POMT1: variants seen among roughly 807,000 people sequenced by gnomAD.
POMT1 encodes the protein protein O-mannosyltransferase 1.
POMT1 carries 85 observed loss-of-function variants against 101.6 expected under a neutral mutation model. The ratio of observed to expected loss-of-function variants is 0.84; its 90% CI spans 0.70 to 1.00. POMT1 has a LOEUF of 1.00. Among genes scored for constraint, POMT1 ranks in the 50% least tolerant of loss-of-function variants. The probability of loss-of-function intolerance (pLI) is 0.00; values close to 1 mark genes in which losing one functional copy is unlikely to be tolerated. For missense variants in POMT1, 857 were observed against 930.4 expected, an observed-to-expected ratio of 0.92 and a Z score of 1.03; for synonymous variants, 371 against 383.0, an observed-to-expected ratio of 0.97 and a Z score of 0.37.
chr9:131,522,769 G>A lies in POMT1; in HGVS notation c.2004-163G>A, dbSNP rs1190847107. ...CAGGGGGCCCCTCTCAGTGCATCCA[G>A]GTGGGAGATGGTCATGGGTGGCAGG... is the stretch of plus-strand genomic sequence containing the variant. On this transcript the variant is annotated intron_variant, in intron 19 of 19. Transcript: ENST00000402686. The surrounding 1 kb of genome is among the most constrained non-coding windows in gnomAD (Gnocchi z 5.5). 6.6e-6 allele frequency among the ~76,000 whole-genome samples: 1 copy of A among 152,158 alleles called. No individual in the cohort carries two copies. Among genetic ancestry groups the A allele is most frequent in the Non-Finnish European group, 1.5e-5 (1 of 68,022 alleles).
At chr9:131,504,470 G>C in intron 2 of POMT1, 130 bp downstream of exon 2, 4 of 1,384,376 alleles carry the variant, frequency 2.9e-6, no homozygotes, top group East Asian at 2.4e-5. Flanking sequence ...TTGGCAGTGA[G>C]AGGAGAGACC....
At chr9:131,515,117 C>T (rs1043710793) in intron 12 of POMT1, among the ~76,000 whole-genome samples, 4 of 152,216 alleles carry the variant, frequency 2.6e-5, no homozygotes, top group Non-Finnish European at 4.4e-5. Flanking sequence ...AGTACCGGAT[C>T]GGGCCTGGGC....
Position 131,523,200 on chromosome 9 carries a change from T to C in POMT1, c.*94T>C. 2.7e-6 allele frequency: 4 copies of C among 1,487,270 alleles called. No homozygotes were observed. In the South Asian group the frequency reaches 4.7e-5, roughly 18 times the overall value. 92.1% of individuals were successfully genotyped at this position (1,487,270 alleles called of 1,614,324 possible). On this transcript the variant is annotated 3_prime_UTR_variant, in exon 20 of 20. Coordinates refer to ENST00000402686, the MANE Select transcript of POMT1 (RefSeq NM_001077365.2). ...GTAATGAGCAGGGTGGGCCCCACGC[T>C]GGGAGGACACGGGCTGGGCTGAGCA... is the stretch of plus-strand genomic sequence containing the variant.
At position 131,519,128 on chromosome 9, in the gene POMT1, A is replaced by G. The variant is rs1173289564; in HGVS notation, c.1486+171A>G. 6.6e-6 allele frequency among the ~76,000 whole-genome samples: 1 copy of G among 152,044 alleles called. No homozygotes were observed. Among genetic ancestry groups the G allele is most frequent in the Non-Finnish European group, 1.5e-5 (1 of 68,012 alleles). ...CCTGCACTCAGCTGCTGCAGTAATA[A>G]CTCAAGACGCTTCTTCCGAGGTGTC... On this transcript the variant is annotated intron_variant, in intron 15 of 19. Transcript: ENST00000402686. The surrounding 1 kb of genome is among the most constrained non-coding windows in gnomAD (Gnocchi z 4.3).
intron 9 of POMT1, chr9:131,510,898 C>T (rs1342355340): frequency 3.2e-6 from 1 of 310,502 alleles, no homozygotes. Flanking sequence ...TTCCTATGAA[C>T]CTCGCAGCAG....
In POMT1 at chr9:131,515,606, C is replaced by T. The variant is rs77373739; in HGVS notation, c.1272+84C>T. On this transcript the variant is annotated intron_variant, in intron 13 of 19. Transcript: ENST00000402686. ...GGAGCACTTCCTCACCCGGAGCACT[C>T]CCTAACACAGAGCACTTCCTAACAG... is the stretch of plus-strand genomic sequence containing the variant. The T allele has an allele frequency of 0.05, 64,097 of 1,275,482 alleles. 2,081 individuals carry two copies. Among genetic ancestry groups the T allele is most frequent in the Admixed American group, 0.14 (8,026 of 58,454 alleles). 79.0% of individuals were successfully genotyped at this position (1,275,482 alleles called of 1,614,324 possible). A position where few individuals can be genotyped will look rare whatever the true frequency, so the allele number is the denominator to read the frequency against.
In POMT1 at chr9:131,503,903, T is replaced by C. The variant is rs1945133994; in HGVS notation, c.-30-286T>C. Among the ~76,000 whole-genome samples, 1 of 152,136 alleles carries C rather than the reference T, an allele frequency of 6.6e-6. No homozygotes were observed. Among genetic ancestry groups the C allele is most frequent in the South Asian group, 2.1e-4 (1 of 4,828 alleles). On this transcript the variant is annotated intron_variant, in intron 1 of 19. Coordinates refer to ENST00000402686, the MANE Select transcript of POMT1 (RefSeq NM_001077365.2). The surrounding 1 kb of genome is among the most constrained non-coding windows in gnomAD (Gnocchi z 4.4). The stretch of plus-strand genomic sequence containing the variant: ...GGAGGGGAGAAACCCTGGCGTTCCT[T>C]AGCAGTGTTCTCGCGCCCAAGACGT...
intron 8 of POMT1, 71 bp from the exon 9 acceptor site, chr9:131,510,189 G>T: frequency 6.2e-7 from 1 of 1,611,020 alleles, no homozygotes; most frequent in South Asian, 1.1e-5. Context: ...CTTTTTCTAA[G>T]CTCACAATGT....
rs727502853 is a variant in POMT1 at position 131,519,400 on chromosome 9, A to AGGGAGC, written c.1503_1508dup (p.Arg504_Glu505dup). 5.8e-6 allele frequency: 9 copies of AGGGAGC among 1,551,954 alleles called. No homozygotes were observed. In the Admixed American group the frequency reaches 1.2e-4, roughly 20 times the overall value. ...GTCTGTTCTGCCAGGCCAGGAGCAG[A>AGGGAGC]GGGAGCGGGAACGGGAGCTGCACTC... On this transcript the variant is annotated inframe_insertion, in exon 16 of 20. Coordinates refer to ENST00000402686, the MANE Select transcript of POMT1 (RefSeq NM_001077365.2). This position sits in a 1 kb window ranked among gnomAD's most constrained non-coding sequence, Gnocchi z 4.3.
At position 131,518,536 on chromosome 9, in the gene POMT1, A is replaced by T; in HGVS notation, c.1364A>T (p.Lys455Met). The change falls in exon 14 of 20, where the codon AAG (lysine) becomes ATG (methionine). Residue 455 changes from lysine (K) to methionine (M), a missense_variant and splice_region_variant. Lys to Met is a moderately conservative substitution (Grantham distance 95, BLOSUM62 -1). Coordinates refer to ENST00000402686, the MANE Select transcript of POMT1 (RefSeq NM_001077365.2). Reference sequence around the variant, plus strand: ...CACGTGAACACTTCCGCTGTCTTAAAGGTAAGGACACTGTCCGTGGCTTGG... The same window carrying T: ...CACGTGAACACTTCCGCTGTCTTAATGGTAAGGACACTGTCCGTGGCTTGG... ...FVHVNTSAVL[K>M]LSGAHLPDWG... The T allele has an allele frequency of 3.1e-6, 5 of 1,612,694 alleles. No homozygotes were observed. The highest frequency in any genetic ancestry group is 4.2e-6 in the Non-Finnish European group (5 of 1,178,946).
chr9:131,505,682 C>T (rs1945631509), intron 2 of POMT1, among the ~76,000 whole-genome samples: 1 of 151,204 alleles, frequency 6.6e-6, no homozygotes, highest in Non-Finnish European at 1.5e-5. Context: ...GCAGTTGATT[C>T]CCACGTTTTC....
chr9:131,511,010 TTGGC>T, intron 9 of POMT1: 1 of 292,190 alleles, frequency 3.4e-6, no homozygotes, highest in Non-Finnish European at 6.5e-6. Flanking sequence ...AGCAAGTTGT[TTGGC>T]TCACCCTAGT....
rs191519212 is a variant in POMT1 at position 131,519,009 on chromosome 9, C to T, written c.1486+52C>T. ...CTCCTGGAATGTACTTTCAGCTGCT[C>T]AATATTTGATAACACCCCAGAGTTC... On this transcript the variant is annotated intron_variant, in intron 15 of 19. Transcript: ENST00000402686. The surrounding 1 kb of genome is among the most constrained non-coding windows in gnomAD (Gnocchi z 4.3). 289 of 1,610,120 alleles carry T rather than the reference C, an allele frequency of 1.8e-4. 1 individual carries two copies. In the African/African-American group the frequency reaches 2.4e-3, roughly 13 times the overall value.
intron 18 of POMT1, 123 bp from the exon 19 acceptor site, chr9:131,521,924 G>T: frequency 6.4e-7 from 1 of 1,551,634 alleles, no homozygotes; most frequent in Non-Finnish European, 8.7e-7. Context: ...GTCACCTGAG[G>T]CCAGGAGTTC....
chr9:131,507,673 G>C (rs1269168307), intron 5 of POMT1, among the ~76,000 whole-genome samples, 159 bp downstream of exon 5: 1 of 152,202 alleles, frequency 6.6e-6, no homozygotes, highest in South Asian at 2.1e-4. Flanking sequence ...GGCTGACCCC[G>C]TGGTTATGGG....
intron 13 of POMT1, among the ~76,000 whole-genome samples, chr9:131,517,532 C>T (rs902128369): frequency 2.6e-5 from 4 of 152,220 alleles, no homozygotes; most frequent in Non-Finnish European, 4.4e-5. Context: ...CTTACCTCAG[C>T]CTCCCAGAGT....
intron 13 of POMT1, chr9:131,518,079 T>G: frequency 2.7e-6 from 1 of 373,404 alleles, no homozygotes; most frequent in South Asian, 2.1e-5. Context: ...TCATCTGAGC[T>G]GTCTGCGAGT....
intron 13 of POMT1, among the ~76,000 whole-genome samples, chr9:131,515,783 TGTAA>T (rs1564366858): frequency 0.018 from 539 of 29,378 alleles, 212 homozygotes; most frequent in Non-Finnish European, 0.036. Context: ...GAGCACTTCC[TGTAA>T]CACAGGACAC....
At chr9:131,509,548 C>T (rs1018879350) in intron 6 of POMT1, among the ~76,000 whole-genome samples, 195 bp from the exon 7 acceptor site, 9 of 152,152 alleles carry the variant, frequency 5.9e-5, no homozygotes, top group African/African-American at 2.2e-4. Flanking sequence ...ACTAACAGGA[C>T]AACATTTTCT....
Sources: gnomAD v4.1 joint callset for allele counts (sites outside exome capture counted in the v4.1 genomes callset) on GRCh38, gnomAD v4.1.1 for gene constraint, Gnocchi (gnomAD v3.1) non-coding constraint, MANE v1.5 for transcripts, NCBI Gene and HGNC (gene_info 2026-07-23, HGNC 2026-07-21) for gene names.